MYO6: variants seen among roughly 807,000 people sequenced by gnomAD.
MYO6 encodes myosin VI.
Under a neutral mutation model 178.7 loss-of-function variants are expected in MYO6, and 74 were observed. The ratio of observed to expected loss-of-function variants is 0.41; its 90% CI spans 0.34 to 0.50. The LOEUF is 0.50. Ranked by LOEUF, MYO6 falls within the 20% of genes least tolerant of loss-of-function variation. The pLI is 0.09. For synonymous variants in MYO6, 477 were observed against 504.6 expected (o/e 0.95, Z 0.73); for missense variants, 1,330 against 1,547.4 (o/e 0.86, Z 2.36).
At chr6:75,867,953 GAATT>G (rs982371660) in intron 18 of MYO6, among the ~76,000 whole-genome samples, 62 of 151,876 alleles carry the variant, frequency 4.1e-4, no homozygotes, top group African/African-American at 1.5e-3. Flanking sequence ...GTATACGAGA[GAATT>G]AATTTCTTAT....
intron 1 of MYO6, among the ~76,000 whole-genome samples, chr6:75,756,885 T>TTGTG (rs544342318): frequency 6.8e-4 from 47 of 69,456 alleles, no homozygotes; most frequent in African/African-American, 1.2e-3. Flanking sequence ...CTTATGTGTG[T>TTGTG]TGTGTGTGTA....
chr6:75,869,059 A>T (rs1583317267), intron 18 of MYO6, among the ~76,000 whole-genome samples: 1 of 114,316 alleles, frequency 8.7e-6, no homozygotes, highest in African/African-American at 3.4e-5. Flanking sequence ...TGTTCTTTTG[A>T]CTTTATCTCC....
chr6:75,848,838 A>G (rs1444392082), intron 11 of MYO6, among the ~76,000 whole-genome samples: 2 of 152,156 alleles, frequency 1.3e-5, no homozygotes, highest in Non-Finnish European at 2.9e-5. Flanking sequence ...GTTATATTAC[A>G]CTTTTCCAAT....
Position 75,894,875 on chromosome 6 carries a change from G to C in MYO6, c.3108-356G>C, listed in dbSNP as rs750318249. The C allele has an allele frequency of 6.7e-6, 9 of 1,347,566 alleles. No individual in the cohort carries two copies. In the Admixed American group the frequency reaches 7.3e-5, roughly 11 times the overall value. 83.5% of individuals were successfully genotyped at this position (1,347,566 alleles called of 1,614,324 possible). On this transcript the variant is annotated intron_variant, in intron 28 of 34. Coordinates refer to ENST00000369977, the MANE Select transcript of MYO6 (RefSeq NM_004999.4). The stretch of plus-strand genomic sequence containing the variant: ...GTTTTCTATGTATGTCATATGTTCT[G>C]AAATATAATTTCAATCAATTACACA...
At chr6:75,872,122 C>G (rs559330091) in intron 19 of MYO6, among the ~76,000 whole-genome samples, 1 of 151,808 alleles carries the variant, frequency 6.6e-6, no homozygotes, top group African/African-American at 2.4e-5. Flanking sequence ...GAATGAGACT[C>G]TCTCTCAAAA....
At chr6:75,887,379 C>T (rs1419865447) in intron 25 of MYO6, among the ~76,000 whole-genome samples, 2 of 152,182 alleles carry the variant, frequency 1.3e-5, no homozygotes, top group Non-Finnish European at 2.9e-5. Context: ...CATGGTGGCT[C>T]ATGCCTGTAA....
intron 1 of MYO6, among the ~76,000 whole-genome samples, chr6:75,756,780 A>C (rs1315237558): frequency 2.0e-5 from 3 of 151,986 alleles, no homozygotes; most frequent in African/African-American, 7.3e-5. Flanking sequence ...ACTGAGGGGC[A>C]GAGATGTTAA....
chr6:75,822,471 A>G (rs1045355653), intron 2 of MYO6, among the ~76,000 whole-genome samples: 1 of 152,116 alleles, frequency 6.6e-6, no homozygotes, highest in Non-Finnish European at 1.5e-5. Context: ...AATTTGTTAA[A>G]TAGCATATGT....
chr6:75,868,591 A>C (rs915416198), intron 18 of MYO6, among the ~76,000 whole-genome samples: 1 of 152,120 alleles, frequency 6.6e-6, no homozygotes, highest in Non-Finnish European at 1.5e-5. Context: ...AGCCACTGAA[A>C]GTGATAGCTG....
chr6:75,914,037 A>G (rs758541994), intron 33 of MYO6, 26 bp from the exon 34 acceptor site: 6 of 1,610,020 alleles, frequency 3.7e-6, no homozygotes, highest in Non-Finnish European at 5.1e-6. Context: ...AGCTGCTGGT[A>G]TAACTTTCCT....
At chr6:75,873,040 C>T (rs1170263239) in intron 19 of MYO6, among the ~76,000 whole-genome samples, 167 bp from the exon 20 acceptor site, 1 of 152,156 alleles carries the variant, frequency 6.6e-6, no homozygotes, top group Non-Finnish European at 1.5e-5. Context: ...TCCCAAAATG[C>T]TGGATTACAG....
chr6:75,820,066 A>G lies in MYO6; in HGVS notation c.117+2402A>G, dbSNP rs183822529. ...CTCAAAAAAAAAGAAAGCTATTTTA[A>G]TCCACTAAATTGGTTTCATATTCTG... On this transcript the variant is annotated intron_variant, in intron 2 of 34. Coordinates refer to ENST00000369977, the MANE Select transcript of MYO6 (RefSeq NM_004999.4). Among the ~76,000 whole-genome samples the G allele has an allele frequency of 1.6e-4, 25 of 152,322 alleles. No homozygotes were observed. In the East Asian group the frequency reaches 4.8e-3, roughly 29 times the overall value.
intron 34 of MYO6, 30 bp downstream of exon 34, chr6:75,914,311 A>G (rs1780990470): frequency 6.3e-7 from 1 of 1,591,478 alleles, no homozygotes; most frequent in African/African-American, 1.3e-5. Context: ...AAAACAAATT[A>G]TAGAACAAAA....
chr6:75,828,242 T>C (rs1250123217), intron 3 of MYO6, among the ~76,000 whole-genome samples: 1 of 152,196 alleles, frequency 6.6e-6, no homozygotes, highest in African/African-American at 2.4e-5. Flanking sequence ...ATTGTAGTAC[T>C]TTTTTCCCTC....
chr6:75,788,894 A>C (rs1767949865), intron 1 of MYO6, among the ~76,000 whole-genome samples: 1 of 152,236 alleles, frequency 6.6e-6, no homozygotes, highest in Admixed American at 6.5e-5. Flanking sequence ...GGTGGAATTA[A>C]GGAATTGAGG....
At position 75,917,748 on chromosome 6, in the gene MYO6, C is replaced by T. The variant is rs1423302275; in HGVS notation, c.*2736C>T. On this transcript the variant is annotated 3_prime_UTR_variant, in exon 35 of 35. Coordinates refer to ENST00000369977, the MANE Select transcript of MYO6 (RefSeq NM_004999.4). ...GGAAAATCAGTGGTGGTTGTGAACA[C>T]TTAGAGAATAGCAATCCACAGGCAA... is the stretch of plus-strand genomic sequence containing the variant. 5.2e-5 allele frequency: 8 copies of T among 152,610 alleles called. No homozygotes were observed. The highest frequency in any genetic ancestry group is 5.2e-4 in the Admixed American group (8 of 15,270). 9.5% of individuals were successfully genotyped at this position (152,610 alleles called of 1,614,324 possible). A position where few individuals can be genotyped will look rare whatever the true frequency, so the allele number is the denominator to read the frequency against.
At chr6:75,756,946 T>C (rs1777428104) in intron 1 of MYO6, among the ~76,000 whole-genome samples, 1 of 137,164 alleles carries the variant, frequency 7.3e-6, no homozygotes, top group South Asian at 2.3e-4. Context: ...AGTGTGTATA[T>C]ATGTGTATAT....
intron 1 of MYO6, among the ~76,000 whole-genome samples, chr6:75,799,312 C>T (rs1769188116): frequency 6.6e-6 from 1 of 151,774 alleles, no homozygotes; most frequent in African/African-American, 2.4e-5. Flanking sequence ...ATTGCTTGAA[C>T]CCAGGAGGTG....
chr6:75,796,564 T>C (rs1562170886), intron 1 of MYO6, among the ~76,000 whole-genome samples: 1 of 151,962 alleles, frequency 6.6e-6, no homozygotes, highest in Non-Finnish European at 1.5e-5. Flanking sequence ...CAATAGGTAG[T>C]TTTTTAGCCC....
Sources: allele counts gnomAD v4.1 joint callset (sites outside exome capture counted in the v4.1 genomes callset), GRCh38; gene constraint gnomAD v4.1.1; transcripts MANE v1.5; gene names NCBI Gene and HGNC (gene_info 2026-07-23, HGNC 2026-07-21).